PAK1: variants seen among roughly 807,000 people sequenced by gnomAD.
PAK1 encodes serine/threonine-protein kinase PAK 1.
In PAK1, 29 loss-of-function variants were observed where a neutral mutation model predicts 67.4. The observed-to-expected ratio is 0.43, with a 90% CI of 0.32 to 0.59. The LOEUF (loss-of-function observed/expected upper bound fraction) is 0.59, where lower values mean the gene tolerates loss of function less well. Among genes scored for constraint, PAK1 ranks in the 20% least tolerant of loss-of-function variants. The probability of loss-of-function intolerance (pLI) is 0.07; values close to 1 mark genes in which losing one functional copy is unlikely to be tolerated. For synonymous variants in PAK1, 223 were observed against 237.4 expected (o/e 0.94, Z 0.56); for missense variants, 337 against 670.7 (o/e 0.50, Z 5.50).
At position 77,343,844 on chromosome 11, in the gene PAK1, G is replaced by C. The variant is rs1389156966; in HGVS notation, c.973C>G (p.Pro325Ala). The C allele has an allele frequency of 1.2e-6, 2 of 1,609,574 alleles. No individual in the cohort carries two copies. Among genetic ancestry groups the C allele is most frequent in the African/African-American group, 2.7e-5 (2 of 74,894 alleles). Residue 325 changes from proline to alanine, a missense_variant, in exon 10 of 15, where the codon CCA (proline) becomes GCA (alanine). By Grantham distance (27) the Pro-to-Ala change is conservative (BLOSUM62 -1). This residue lies in a region of PAK1 where 18 missense variants were observed against 45.2 expected (regional missense o/e 0.40). Coordinates refer to ENST00000356341, the MANE Select transcript of PAK1 (RefSeq NM_002576.5). ...CTGTCCAAGTAATTCACAATGTTTG[G>C]GTTCTTGTTTTCCCTCATGACCAGG... is the stretch of plus-strand genomic sequence containing the variant. ...EILVMRENKN[P>A]NIVNYLDSYL... is the part of the protein sequence containing the mutation.
intron 5 of PAK1, among the ~76,000 whole-genome samples, chr11:77,364,431 A>G (rs149045945): frequency 0.011 from 1,652 of 152,306 alleles, 13 homozygotes; most frequent in Non-Finnish European, 0.017. Flanking sequence ...AAAACAAAAC[A>G]ACAACAACAA....
the PAK1 span, among the ~76,000 whole-genome samples, chr11:77,525,662 T>C: frequency 6.6e-6 from 1 of 152,174 alleles, no homozygotes; most frequent in South Asian, 2.1e-4. Context: ...ATGGGAGGGC[T>C]CCATAGACAA....
intron 1 of PAK1, among the ~76,000 whole-genome samples, chr11:77,462,632 G>A (rs985574035): frequency 2.6e-5 from 4 of 151,874 alleles, no homozygotes; most frequent in African/African-American, 9.7e-5. Context: ...AGGTGTCTGA[G>A]ACCAGCCTGG....
chr11:77,329,476 A>C (rs1350187471), intron 14 of PAK1, among the ~76,000 whole-genome samples: 2 of 152,258 alleles, frequency 1.3e-5, no homozygotes, highest in African/African-American at 4.8e-5. Flanking sequence ...AAGCCAGTTC[A>C]ACATACGCAA....
At chr11:77,474,215 C>CGCG (rs547403363), upstream of PAK1, 15,145 of 151,326 alleles carry the variant, frequency 0.1, 1,428 homozygotes, top group African/African-American at 0.24. Flanking sequence ...CCCTCCCCGG[C>CGCG]GCGGCGGCGG....
chr11:77,435,503 T>TC (rs1282888173), intron 1 of PAK1, among the ~76,000 whole-genome samples: 1 of 151,206 alleles, frequency 6.6e-6, no homozygotes, highest in East Asian at 1.9e-4. Context: ...TCTTTTTTTT[T>TC]TTTTTTTTGA....
chr11:77,525,926 C>T, the PAK1 span, among the ~76,000 whole-genome samples: 1 of 152,202 alleles, frequency 6.6e-6, no homozygotes, highest in African/African-American at 2.4e-5. Context: ...CACTTCCTTC[C>T]CCTTTCTTTC....
upstream of PAK1, chr11:77,475,579 A>C (rs1958049057): frequency 6.6e-6 from 1 of 152,206 alleles, no homozygotes; most frequent in Non-Finnish European, 1.5e-5. Flanking sequence ...CGTTATTTGA[A>C]TACACATTTC....
chr11:77,365,270 A>AAAAAAAAAAAAAG lies in PAK1; in HGVS notation c.478-6254_478-6253insCTTTTTTTTTTTT, dbSNP rs1947375922. Reference sequence around the variant, plus strand: ...CTGTCTCAAAAAAAAAAAAAAAAAGAAAAAAGAAAAAAGAAAATGGACCCA... The same window carrying AAAAAAAAAAAAAG: ...CTGTCTCAAAAAAAAAAAAAAAAAGAAAAAAAAAAAAAGAAAAAGAAAAAAGAAAATGGACCCA... On this transcript the variant is annotated intron_variant, in intron 5 of 14. Transcript: ENST00000356341. Among the ~76,000 whole-genome samples, 203 of 109,406 alleles carry AAAAAAAAAAAAAG rather than the reference A, an allele frequency of 1.9e-3. 2 individuals carry two copies. Among genetic ancestry groups the AAAAAAAAAAAAAG allele is most frequent in the Middle Eastern group, 0.015 (3 of 198 alleles). The allele number at this position is 109,406 out of a possible 152,430, so 71.8% of individuals were successfully genotyped here.
the PAK1 span, among the ~76,000 whole-genome samples, chr11:77,498,691 A>ATTTTTTTTTT: frequency 5.6e-5 from 4 of 72,052 alleles, no homozygotes; most frequent in Non-Finnish European, 1.0e-4. Context: ...CTTGCTTGTA[A>ATTTTTTTTTT]TTTTTTTTTT....
At chr11:77,336,390 G>T in intron 12 of PAK1, 108 bp from the exon 13 acceptor site, 2 of 726,258 alleles carry the variant, frequency 2.8e-6, no homozygotes, top group Non-Finnish European at 4.4e-6. Flanking sequence ...CTGGCTTCCA[G>T]CTCTGCTATC....
At chr11:77,446,902 A>C (rs1336894286) in intron 1 of PAK1, among the ~76,000 whole-genome samples, 1 of 151,920 alleles carries the variant, frequency 6.6e-6, no homozygotes, top group African/African-American at 2.4e-5. Context: ...AAAAAGAAAA[A>C]AAAAAAACAA....
chr11:77,361,761 G>C (rs779973356), intron 5 of PAK1, among the ~76,000 whole-genome samples: 7 of 152,024 alleles, frequency 4.6e-5, no homozygotes, highest in Non-Finnish European at 1.0e-4. Context: ...TAGTCTGATA[G>C]AGTACTCAAA....
At chr11:77,482,032 A>G in the PAK1 span, among the ~76,000 whole-genome samples, 1 of 151,920 alleles carries the variant, frequency 6.6e-6, no homozygotes, top group Non-Finnish European at 1.5e-5. Context: ...TCTGTTGCCC[A>G]GGCTGGAGTG....
At chr11:77,426,879 G>T (rs1055977580) in intron 1 of PAK1, among the ~76,000 whole-genome samples, 8 of 147,690 alleles carry the variant, frequency 5.4e-5, no homozygotes, top group African/African-American at 2.0e-4. Context: ...CTATGATTAT[G>T]AAACACAAAA....
chr11:77,450,947 T>TGAC (rs59293970), intron 1 of PAK1, among the ~76,000 whole-genome samples: 10,310 of 152,208 alleles, frequency 0.068, 1,219 homozygotes, highest in African/African-American at 0.24. Context: ...AATGGAAATC[T>TGAC]GACTAACAGC....
intron 14 of PAK1, among the ~76,000 whole-genome samples, chr11:77,327,894 C>A (rs1591648162): frequency 6.6e-6 from 1 of 152,174 alleles, no homozygotes; most frequent in Non-Finnish European, 1.5e-5. Flanking sequence ...AAACCCATCT[C>A]ACGTGCAGAG....
intron 1 of PAK1, among the ~76,000 whole-genome samples, chr11:77,449,449 T>C (rs186639773): frequency 1.7e-4 from 26 of 152,014 alleles, no homozygotes; most frequent in Middle Eastern, 3.4e-3. Context: ...ACTGTACACA[T>C]AGAGAAACTG....
intron 12 of PAK1, among the ~76,000 whole-genome samples, chr11:77,336,874 T>A (rs764829967): frequency 8.5e-5 from 13 of 152,096 alleles, no homozygotes; most frequent in Non-Finnish European, 1.8e-4. Context: ...TTATTTAAAT[T>A]AGGAAGCCTT....
Sources: allele counts gnomAD v4.1 joint callset (sites outside exome capture counted in the v4.1 genomes callset), GRCh38; gene constraint gnomAD v4.1.1; regional missense constraint gnomAD v4.1.1; transcripts MANE v1.5; gene names NCBI Gene and HGNC (gene_info 2026-07-23, HGNC 2026-07-21).